The following KAZN variants were observed in gnomAD, a reference collection of about 807,000 sequenced individuals.
KAZN encodes the protein kazrin.
In KAZN, 40 loss-of-function variants were observed where a neutral mutation model predicts 87.4. That is an observed-to-expected ratio of 0.46 (90% CI 0.36 to 0.60). The LOEUF (loss-of-function observed/expected upper bound fraction) is 0.60. KAZN is among the 20% of genes least tolerant of loss of function. The pLI is 0.00. For missense variants in KAZN, 898 were observed against 1,073.9 expected (o/e 0.84, Z 2.29); for synonymous variants, 466 against 458.3 (o/e 1.02, Z -0.22).
chr1:14,155,108 T>G (rs994342136), intron 1 of KAZN, among the ~76,000 whole-genome samples: 2 of 152,196 alleles, frequency 1.3e-5, no homozygotes, highest in African/African-American at 4.8e-5. Context: ...TGGAGTATGA[T>G]TGCTATTAAT....
intron 2 of KAZN, among the ~76,000 whole-genome samples, chr1:14,499,407 A>G (rs1033055488): frequency 4.6e-5 from 7 of 152,214 alleles, no homozygotes; most frequent in Non-Finnish European, 7.3e-5. Context: ...AGGCTCTGCC[A>G]TGGGATCGAT....
intron 2 of KAZN, among the ~76,000 whole-genome samples, chr1:14,469,564 T>C (rs549482580): frequency 5.3e-5 from 8 of 152,326 alleles, no homozygotes; most frequent in East Asian, 1.9e-4. Context: ...ACAGCAAATA[T>C]ACAGCGTTGC....
chr1:14,725,029 C>T (rs756224311), intron 1 of KAZN, among the ~76,000 whole-genome samples: 2 of 152,188 alleles, frequency 1.3e-5, no homozygotes, highest in Non-Finnish European at 2.9e-5. Flanking sequence ...TGTGAAAAAT[C>T]GGTGTAAACA....
intron 1 of KAZN, among the ~76,000 whole-genome samples, chr1:14,830,814 A>G (rs1647030719): frequency 6.6e-6 from 1 of 152,144 alleles, no homozygotes; most frequent in East Asian, 1.9e-4. Context: ...AACACTGGGG[A>G]TTACAGTTCA....
intron 1 of KAZN, among the ~76,000 whole-genome samples, chr1:14,797,815 G>T (rs1359200557): frequency 6.6e-6 from 1 of 152,136 alleles, no homozygotes; most frequent in African/African-American, 2.4e-5. Context: ...CTCTTTCATT[G>T]AGTAGCCGTG....
chr1:14,277,391 C>T (rs1652454356), intron 2 of KAZN, among the ~76,000 whole-genome samples: 1 of 152,108 alleles, frequency 6.6e-6, no homozygotes, highest in Non-Finnish European at 1.5e-5. Flanking sequence ...AACGGCCAGG[C>T]GCAGTGGCTC....
chr1:14,909,631 A>C (rs1228696377), intron 1 of KAZN, among the ~76,000 whole-genome samples: 1 of 152,154 alleles, frequency 6.6e-6, no homozygotes, highest in Non-Finnish European at 1.5e-5. Flanking sequence ...TGCACCCCAG[A>C]GTGCCCTGCT....
chr1:14,080,408 C>T (rs137985625), intron 1 of KAZN, among the ~76,000 whole-genome samples: 96 of 141,874 alleles, frequency 6.8e-4, no homozygotes, highest in Admixed American at 3.6e-3. Context: ...TTTGTGGATT[C>T]CTCTGGTGCT....
intron 6 of KAZN, chr1:15,062,924 G>A (rs558959063): frequency 2.6e-5 from 4 of 152,506 alleles, no homozygotes; most frequent in African/African-American, 9.6e-5. Context: ...CAAAGCTCAG[G>A]ACCAAGTATG....
At chr1:14,925,972 T>C (rs1470913002) in intron 1 of KAZN, among the ~76,000 whole-genome samples, 1 of 152,240 alleles carries the variant, frequency 6.6e-6, no homozygotes, top group Non-Finnish European at 1.5e-5. Flanking sequence ...TTTACCCATC[T>C]GTACAGTGGA....
intron 2 of KAZN, among the ~76,000 whole-genome samples, chr1:14,244,717 C>G (rs1379042249): frequency 2.6e-5 from 4 of 151,690 alleles, no homozygotes; most frequent in Non-Finnish European, 5.9e-5. Context: ...GTACAAAGGC[C>G]CTGAGGCAGG....
At chr1:14,798,596 G>A (rs1482577876) in intron 1 of KAZN, among the ~76,000 whole-genome samples, 5 of 149,470 alleles carry the variant, frequency 3.3e-5, no homozygotes, top group East Asian at 2.0e-4. Flanking sequence ...CACCACACCC[G>A]GCTAATTTTT....
intron 2 of KAZN, among the ~76,000 whole-genome samples, chr1:14,571,792 C>T (rs1276027688): frequency 1.3e-5 from 2 of 152,204 alleles, no homozygotes; most frequent in Non-Finnish European, 2.9e-5. Context: ...ATCCATCCCT[C>T]TAACTGGGCT....
intron 2 of KAZN, among the ~76,000 whole-genome samples, chr1:14,245,464 T>C (rs1649412490): frequency 6.6e-6 from 1 of 152,186 alleles, no homozygotes; most frequent in African/African-American, 2.4e-5. Flanking sequence ...CTTGCATGGA[T>C]GTACCATAAT....
At chr1:14,808,072 G>A (rs1646279740) in intron 1 of KAZN, among the ~76,000 whole-genome samples, 1 of 152,160 alleles carries the variant, frequency 6.6e-6, no homozygotes, top group South Asian at 2.1e-4. Context: ...GGGTGGCAGT[G>A]AATGAGGAGA....
At chr1:14,191,444 T>A (rs1646417952) in intron 2 of KAZN, among the ~76,000 whole-genome samples, 1 of 152,082 alleles carries the variant, frequency 6.6e-6, no homozygotes, top group African/African-American at 2.4e-5. Context: ...AACAGCAGGC[T>A]TGAATGGGGA....
chr1:14,562,220 A>G (rs1160417355), intron 2 of KAZN, among the ~76,000 whole-genome samples: 1 of 152,186 alleles, frequency 6.6e-6, no homozygotes, highest in Non-Finnish European at 1.5e-5. Context: ...GAAAAGGGTG[A>G]ATTAGTTGTG....
At chr1:15,068,875 G>C (rs1347431402) in intron 8 of KAZN, among the ~76,000 whole-genome samples, 1 of 152,084 alleles carries the variant, frequency 6.6e-6, no homozygotes, top group Non-Finnish European at 1.5e-5. Flanking sequence ...GCAGCATAAA[G>C]CTATGTAATA....
chr1:14,985,003 G>A (rs1035682738), intron 2 of KAZN, among the ~76,000 whole-genome samples: 5 of 152,064 alleles, frequency 3.3e-5, no homozygotes, highest in East Asian at 1.9e-4. Context: ...AGGCGTGGTG[G>A]TGCTCACCTG....
Sources: gnomAD v4.1 joint callset for allele counts (sites outside exome capture counted in the v4.1 genomes callset) on GRCh38, gnomAD v4.1.1 for gene constraint, MANE v1.5 for transcripts, NCBI Gene and HGNC (gene_info 2026-07-23, HGNC 2026-07-21) for gene names.